FEZ1: variants seen among roughly 807,000 people sequenced by gnomAD.
FEZ1 encodes the protein fasciculation and elongation protein zeta 1, also known as fasciculation and elongation protein zeta-1.
FEZ1 carries 20 observed loss-of-function variants against 49.3 expected under a neutral mutation model. That is an observed-to-expected ratio of 0.41 (90% CI 0.29 to 0.59). The LOEUF (loss-of-function observed/expected upper bound fraction) is 0.59, where lower values mean the gene tolerates loss of function less well. FEZ1 is among the 20% of genes least tolerant of loss of function. The pLI, the probability that FEZ1 is intolerant of heterozygous loss-of-function variation, is 0.36. For missense variants in FEZ1, 413 were observed against 476.0 expected (o/e 0.87, Z 1.23); for synonymous variants, 170 against 180.9 (o/e 0.94, Z 0.48).
intron 2 of FEZ1, among the ~76,000 whole-genome samples, chr11:125,486,156 T>C (rs932062928): frequency 4.6e-5 from 7 of 152,238 alleles, no homozygotes; most frequent in Non-Finnish European, 7.3e-5. Flanking sequence ...GTATATCTGA[T>C]GACAGGCAGT....
chr11:125,478,435 C>G (rs9704355), intron 3 of FEZ1, among the ~76,000 whole-genome samples: 28,018 of 152,058 alleles, frequency 0.18, 2,686 homozygotes, highest in East Asian at 0.3. Context: ...GAGAGAGACA[C>G]CATCTCAAAA....
chr11:125,485,367 G>A (rs913082814), intron 2 of FEZ1, among the ~76,000 whole-genome samples: 1 of 152,090 alleles, frequency 6.6e-6, no homozygotes, highest in East Asian at 1.9e-4. Context: ...AGACTGGGGG[G>A]TGCCAGGACA....
chr11:125,460,689 T>C (rs1045142108), intron 4 of FEZ1, 23 bp from the exon 5 acceptor site: 1 of 1,608,618 alleles, frequency 6.2e-7, no homozygotes, highest in Non-Finnish European at 8.5e-7. Context: ...CACGAGAGAG[T>C]GCTAACTCTG....
intron 3 of FEZ1, among the ~76,000 whole-genome samples, chr11:125,476,865 G>GT (rs539465232): frequency 6.6e-6 from 1 of 151,874 alleles, no homozygotes. Context: ...TTTGTTGTTG[G>GT]TTTTTTTCAC....
chr11:125,473,864 T>C (rs936338315), intron 3 of FEZ1, among the ~76,000 whole-genome samples: 1 of 149,702 alleles, frequency 6.7e-6, no homozygotes, highest in African/African-American at 2.4e-5. Context: ...AGATGGATCA[T>C]AGACCTAAAT....
At chr11:125,460,055 C>T (rs552894311) in intron 5 of FEZ1, among the ~76,000 whole-genome samples, 3 of 151,978 alleles carry the variant, frequency 2.0e-5, no homozygotes, top group East Asian at 1.9e-4. Flanking sequence ...AAGACCATGC[C>T]GCTACACTCC....
chr11:125,477,856 C>CAAAAAAAAA (rs11413508), intron 3 of FEZ1, among the ~76,000 whole-genome samples: 8 of 141,410 alleles, frequency 5.7e-5, no homozygotes, highest in African/African-American at 2.1e-4. Context: ...GAGCTTTATG[C>CAAAAAAAAA]AAAAAAAAAA....
chr11:125,495,337 C>A lies in FEZ1; in HGVS notation c.-46+784G>T, dbSNP rs1957448897. On this transcript the variant is annotated intron_variant, in intron 1 of 9. Transcript: ENST00000278919. This position sits in a 1 kb window ranked among gnomAD's most constrained non-coding sequence, Gnocchi z 4.2. ...AGGGATGAGAGTCGGGGATGCCTAG[C>A]GGCGAGGAGAGAAGGGATAGGCAAA... The A allele has an allele frequency of 2.1e-6, 1 of 468,076 alleles. No individual in the cohort carries two copies. The highest frequency in any genetic ancestry group is 4.4e-6 in the Non-Finnish European group (1 of 225,268). 29.0% of individuals were successfully genotyped at this position (468,076 alleles called of 1,614,324 possible). A position where few individuals can be genotyped will look rare whatever the true frequency, so the allele number is the denominator to read the frequency against.
intron 8 of FEZ1, among the ~76,000 whole-genome samples, chr11:125,450,121 G>A (rs10790736): frequency 0.16 from 24,270 of 151,244 alleles, 2,557 homozygotes; most frequent in Admixed American, 0.32. Context: ...TCCGCCTCCC[G>A]GGTTCAAGCG....
intron 1 of FEZ1, among the ~76,000 whole-genome samples, chr11:125,494,685 T>C (rs1438786251): frequency 1.3e-5 from 2 of 152,166 alleles, no homozygotes; most frequent in Non-Finnish European, 1.5e-5. Flanking sequence ...TCCCAATAGA[T>C]GGTGTAATTT....
At chr11:125,491,828 A>G (rs561648950) in intron 1 of FEZ1, among the ~76,000 whole-genome samples, 1 of 152,376 alleles carries the variant, frequency 6.6e-6, no homozygotes, top group South Asian at 2.1e-4. Flanking sequence ...GCAACATGAT[A>G]GGACCTTTGA....
intron 1 of FEZ1, among the ~76,000 whole-genome samples, chr11:125,491,388 C>T (rs1957380366): frequency 1.3e-5 from 2 of 152,158 alleles, no homozygotes; most frequent in Non-Finnish European, 2.9e-5. Flanking sequence ...TCTTCCCTGG[C>T]TCCAAATATA....
chr11:125,478,597 C>T (rs1398524126), intron 3 of FEZ1, among the ~76,000 whole-genome samples: 1 of 152,162 alleles, frequency 6.6e-6, no homozygotes, highest in Non-Finnish European at 1.5e-5. Context: ...TCTGGTAAAT[C>T]GTTTAAACTT....
chr11:125,481,046 G>GAA (rs201026269), intron 3 of FEZ1, among the ~76,000 whole-genome samples: 2 of 118,170 alleles, frequency 1.7e-5, no homozygotes, highest in Non-Finnish European at 3.7e-5. Context: ...CTCAAAAAAA[G>GAA]AAAAAAAAAA....
intron 5 of FEZ1, chr11:125,456,392 G>A (rs1421393920): frequency 2.6e-6 from 1 of 377,404 alleles, no homozygotes; most frequent in East Asian, 3.9e-5. Flanking sequence ...GGGATGGTTT[G>A]TTCCTTCTAT....
chr11:125,481,462 G>T, intron 3 of FEZ1, 72 bp downstream of exon 3: 1 of 883,714 alleles, frequency 1.1e-6, no homozygotes, highest in South Asian at 1.3e-5. Flanking sequence ...GAAGACTGTT[G>T]AGTTACTGAA....
In FEZ1 at chr11:125,492,226, G is replaced by A. The variant is rs117021751; in HGVS notation, c.-45-2404C>T. ...CATTGCAAGTGCTCAACAGTCAAATGTGGCCTGTGGCTACCGCAAGGGACA... is the reference window on the plus strand; with the variant it reads ...CATTGCAAGTGCTCAACAGTCAAATATGGCCTGTGGCTACCGCAAGGGACA... On this transcript the variant is annotated intron_variant, in intron 1 of 9. Transcript: ENST00000278919. Among the ~76,000 whole-genome samples, 240 of 152,278 alleles carry A rather than the reference G, an allele frequency of 1.6e-3. 9 individuals carry two copies. In the East Asian group the frequency reaches 0.036, roughly 23 times the overall value.
intron 6 of FEZ1, 77 bp downstream of exon 6, chr11:125,455,758 G>T: frequency 6.9e-7 from 1 of 1,458,030 alleles, no homozygotes; most frequent in South Asian, 1.1e-5. Flanking sequence ...TGAGTCCCCT[G>T]CAGGGTTGGT....
chr11:125,460,521 A>G lies in FEZ1; in HGVS notation c.644T>C (p.Phe215Ser), dbSNP rs768519953. Reference sequence around the variant, plus strand: ...ACCTTCATAGGACCAGTTGTTGTTGAAGGTCTGTGTCAATGCCTGCATCTC... The same window carrying G: ...ACCTTCATAGGACCAGTTGTTGTTGGAGGTCTGTGTCAATGCCTGCATCTC... The part of the protein sequence containing the change: ...LQEMQALTQT[F>S]NNNWSYEGLR... The change falls in exon 5 of 10, where the codon TTC becomes TCC. Residue 215 changes from phenylalanine to serine, a missense_variant. Coordinates refer to ENST00000278919, the MANE Select transcript of FEZ1 (RefSeq NM_005103.5). 6.2e-7 allele frequency: 1 copy of G among 1,614,002 alleles called. No homozygotes were observed. Among genetic ancestry groups the G allele is most frequent in the African/African-American group, 1.3e-5 (1 of 75,014 alleles).
Sources: allele counts gnomAD v4.1 joint callset (sites outside exome capture counted in the v4.1 genomes callset), GRCh38; gene constraint gnomAD v4.1.1; non-coding constraint Gnocchi (gnomAD v3.1); transcripts MANE v1.5; gene names NCBI Gene and HGNC (gene_info 2026-07-23, HGNC 2026-07-21).